SRSF7: variants seen among roughly 807,000 people sequenced by gnomAD.
The protein encoded by SRSF7 is serine and arginine rich splicing factor 7.
Under a neutral mutation model 42.2 loss-of-function variants are expected in SRSF7, and 15 were observed. That is an observed-to-expected ratio of 0.36 (90% CI 0.24 to 0.55). SRSF7 has a LOEUF of 0.55. Ranked by LOEUF, SRSF7 falls within the 20% of genes least tolerant of loss-of-function variation. SRSF7 has a pLI of 0.88. For missense variants in SRSF7, 181 were observed against 305.9 expected (o/e 0.59, Z 3.04); for synonymous variants, 138 against 107.9 (o/e 1.28, Z -1.73).
chr2:38,748,490 C>G, intron 4 of SRSF7, 89 bp downstream of exon 4: 1 of 1,372,798 alleles, frequency 7.3e-7, no homozygotes, highest in Non-Finnish European at 1.0e-6. Flanking sequence ...AAGACCCTGT[C>G]TCCAAAAAAA....
chr2:38,751,013 A>C, intron 1 of SRSF7: 1 of 577,868 alleles, frequency 1.7e-6, no homozygotes, highest in Non-Finnish European at 3.1e-6. Context: ...TGGGCCACAA[A>C]AATGCCCAAG....
chr2:38,748,935 T>G, intron 3 of SRSF7: 1 of 1,330,868 alleles, frequency 7.5e-7, no homozygotes, highest in Non-Finnish European at 9.7e-7. Context: ...TGGCCCATGG[T>G]CTAGTAGATC....
chr2:38,746,671 G>C, intron 6 of SRSF7, 23 bp downstream of exon 6: 1 of 1,612,432 alleles, frequency 6.2e-7, no homozygotes, highest in Non-Finnish European at 8.5e-7. Flanking sequence ...AACTAGAAAA[G>C]CATAATCAAA....
chr2:38,746,783 T>C, intron 5 of SRSF7, 36 bp from the exon 6 acceptor site: 1 of 1,611,886 alleles, frequency 6.2e-7, no homozygotes, highest in South Asian at 1.1e-5. Flanking sequence ...ATTATATCAA[T>C]CAGTCCAAAG....
intron 7 of SRSF7, among the ~76,000 whole-genome samples, 180 bp from the exon 8 acceptor site, chr2:38,745,367 C>T (rs1667207926): frequency 6.6e-6 from 1 of 152,126 alleles, no homozygotes; most frequent in Non-Finnish European, 1.5e-5. Flanking sequence ...GATTAGGCTA[C>T]CCTGGCCAGG....
At chr2:38,750,930 GGA>G in intron 1 of SRSF7, 2 of 385,130 alleles carry the variant, frequency 5.2e-6, no homozygotes, top group Non-Finnish European at 4.9e-6. Context: ...GGGCGGGGGG[GGA>G]GGGGGGCCGG....
chr2:38,744,358 G>A lies in SRSF7; in HGVS notation c.*775C>T. 6.6e-6 allele frequency: 1 copy of A among 152,494 alleles called. No homozygotes were observed. Among genetic ancestry groups the A allele is most frequent in the Non-Finnish European group, 1.5e-5 (1 of 68,010 alleles). 9.4% of individuals were successfully genotyped at this position (152,494 alleles called of 1,614,324 possible). On this transcript the variant is annotated 3_prime_UTR_variant, in exon 8 of 8. Coordinates refer to ENST00000313117, the MANE Select transcript of SRSF7 (RefSeq NM_001031684.3). ...CAATTCCTCAAACATGCATTTTTTG[G>A]TATAAAACTGGTTAACTAATGTAGA... is the stretch of plus-strand genomic sequence containing the variant.
chr2:38,750,175 A>G lies in SRSF7; in HGVS notation c.48T>C (p.Gly16=). ...CTTTGCCAGCGCCAGTTCCCAGGTT[A>G]CCAACATACACCTTGGTTTCTGTTT... ...RYGGETKVYV[G]NLGTGAGKGE... Residue 16 remains glycine, a synonymous_variant, in exon 2 of 8, where the codon GGT becomes GGC. Transcript: ENST00000313117. The G allele has an allele frequency of 1.9e-6, 3 of 1,601,530 alleles. No homozygotes were observed. The African/African-American group carries it at 4.0e-5, about 22-fold the overall frequency.
intron 2 of SRSF7, 52 bp from the exon 3 acceptor site, chr2:38,749,757 T>TA: frequency 6.8e-7 from 1 of 1,465,066 alleles, no homozygotes; most frequent in South Asian, 1.5e-5. Context: ...ATTCAGGACT[T>TA]ATAGATTTAA....
rs1304596891 is a variant in SRSF7, at chr2:38,745,225, T to C, written c.663-38A>G. The C allele has an allele frequency of 5.0e-6, 8 of 1,608,758 alleles. No individual in the cohort carries two copies. In the African/African-American group the frequency reaches 5.3e-5, roughly 11 times the overall value. ...ACATTAGGTTTGGATCCAATTAGTG[T>C]CAATTGAAACTCTCATGTACATGTA... On this transcript the variant is annotated intron_variant, in intron 7 of 7. Coordinates refer to ENST00000313117, the MANE Select transcript of SRSF7 (RefSeq NM_001031684.3).
chr2:38,749,951 C>A (rs567889772), intron 2 of SRSF7, 63 bp downstream of exon 2: 1 of 1,511,428 alleles, frequency 6.6e-7, no homozygotes, highest in East Asian at 2.3e-5. Flanking sequence ...AAATTTAGCA[C>A]TAAGTTCATT....
At chr2:38,749,941 A>T (rs980678845) in intron 2 of SRSF7, 73 bp downstream of exon 2, 2 of 1,491,398 alleles carry the variant, frequency 1.3e-6, no homozygotes, top group East Asian at 2.3e-5. Flanking sequence ...TTCAGAATCC[A>T]AATTTAGCAC....
At chr2:38,750,991 T>G in intron 1 of SRSF7, 2 of 509,558 alleles carry the variant, frequency 3.9e-6, no homozygotes, top group Admixed American at 6.3e-5. Context: ...TCAACCCTGC[T>G]TTAGGCTGGA....
chr2:38,746,043 C>T (rs1667354485), intron 7 of SRSF7, 101 bp downstream of exon 7: 3 of 1,219,152 alleles, frequency 2.5e-6, no homozygotes, highest in Non-Finnish European at 3.6e-6. Flanking sequence ...TATATAGCAC[C>T]AATTCTCCAA....
At chr2:38,748,787 T>G in intron 3 of SRSF7, 134 bp from the exon 4 acceptor site, 1 of 1,219,142 alleles carries the variant, frequency 8.2e-7, no homozygotes, top group South Asian at 1.5e-5. Flanking sequence ...TCTGGGCCTA[T>G]TAGTTGTTGA....
intron 5 of SRSF7, among the ~76,000 whole-genome samples, chr2:38,747,463 T>C (rs1558609941): frequency 6.6e-6 from 1 of 152,230 alleles, no homozygotes; most frequent in African/African-American, 2.4e-5. Flanking sequence ...GTTAATTACA[T>C]GTTGCAATAC....
intron 1 of SRSF7, among the ~76,000 whole-genome samples, chr2:38,750,516 C>G (rs1344994014): frequency 6.6e-6 from 1 of 151,568 alleles, no homozygotes; most frequent in Non-Finnish European, 1.5e-5. Context: ...CCGGGCGCAC[C>G]GGGAGCGCGC....
chr2:38,750,532 C>CGCAGCG (rs1281098948), intron 1 of SRSF7, among the ~76,000 whole-genome samples: 73 of 151,756 alleles, frequency 4.8e-4, no homozygotes, highest in Middle Eastern at 3.4e-3. Context: ...CGCGCGGGCC[C>CGCAGCG]GCAGCGGCAG....
intron 7 of SRSF7, among the ~76,000 whole-genome samples, chr2:38,745,909 G>A (rs1475903907): frequency 1.3e-5 from 2 of 151,882 alleles, no homozygotes; most frequent in African/African-American, 4.8e-5. Context: ...GTACTCACAG[G>A]ACCAATCACA....
Sources: allele counts gnomAD v4.1 joint callset (sites outside exome capture counted in the v4.1 genomes callset), GRCh38; gene constraint gnomAD v4.1.1; transcripts MANE v1.5; gene names NCBI Gene and HGNC (gene_info 2026-07-23, HGNC 2026-07-21).